PCDHGB5: variants seen among roughly 807,000 people sequenced by gnomAD.
PCDHGB5 encodes protocadherin gamma-B5.
A neutral mutation model predicts 62.9 loss-of-function variants in PCDHGB5; 48 were observed. The ratio of observed to expected loss-of-function variants is 0.76; its 90% CI spans 0.61 to 0.97. The LOEUF (loss-of-function observed/expected upper bound fraction) is 0.97. Ranked by LOEUF, PCDHGB5 falls within the 50% of genes least tolerant of loss-of-function variation. The pLI is 0.00. For missense variants in PCDHGB5, 1,118 were observed against 1,198.6 expected (o/e 0.93, Z 0.99); for synonymous variants, 474 against 511.2 (o/e 0.93, Z 0.98).
chr5:141,428,523 T>G, intron 1 of PCDHGB5: 1 of 278,554 alleles, frequency 3.6e-6, no homozygotes, highest in Non-Finnish European at 7.1e-6. Context: ...AAAGAAGATT[T>G]AATTTTCTCA....
chr5:141,410,399 G>A, intron 1 of PCDHGB5: 1 of 1,614,044 alleles, frequency 6.2e-7, no homozygotes. Flanking sequence ...TGGTCTCTGT[G>A]TCAAGTCTGG....
chr5:141,471,618 A>C (rs1421854064), intron 1 of PCDHGB5: 1 of 152,218 alleles, frequency 6.6e-6, no homozygotes, highest in Non-Finnish European at 1.5e-5. Context: ...TGGGAGTAGT[A>C]AGCATTGGTA....
chr5:141,418,111 A>G (rs763834283), intron 1 of PCDHGB5: 19 of 1,613,940 alleles, frequency 1.2e-5, no homozygotes, highest in Non-Finnish European at 1.5e-5. Context: ...GCGGGGACTT[A>G]CTTGTGAAGG....
At chr5:141,436,676 G>T (rs1019010328) in intron 1 of PCDHGB5, among the ~76,000 whole-genome samples, 1 of 152,238 alleles carries the variant, frequency 6.6e-6, no homozygotes, top group African/African-American at 2.4e-5. Flanking sequence ...ACCAAAAAAA[G>T]GATTTATATT....
Position 141,485,768 on chromosome 5 carries a change from C to A in PCDHGB5, c.2398-9039C>A, listed in dbSNP as rs759191157. 3.7e-6 allele frequency: 6 copies of A among 1,614,192 alleles called. No individual in the cohort carries two copies. Among genetic ancestry groups the A allele is most frequent in the Middle Eastern group, 1.6e-4 (1 of 6,062 alleles). On this transcript the variant is annotated intron_variant, in intron 1 of 3. Coordinates refer to ENST00000617380, the MANE Select transcript of PCDHGB5 (RefSeq NM_018925.3). The surrounding 1 kb of genome is among the most constrained non-coding windows in gnomAD (Gnocchi z 5.7). ...GGTCCCAGAGCTGCTCCTGGAGAAG[C>A]CTTTGGATCGAGAGAAGCAATCGGA...
chr5:141,505,362 G>A (rs766427680), intron 2 of PCDHGB5, 31 bp from the exon 3 acceptor site: 1 of 1,613,966 alleles, frequency 6.2e-7, no homozygotes, highest in Non-Finnish European at 8.5e-7. Flanking sequence ...CGGCCTGGGA[G>A]TCTGTGCTCA....
intron 1 of PCDHGB5, chr5:141,423,365 T>A (rs1338039878): frequency 1.9e-6 from 3 of 1,614,096 alleles, no homozygotes; most frequent in South Asian, 1.1e-5. Context: ...ATCGTGCTGC[T>A]GGCACTCAGG....
At chr5:141,498,971 G>A (rs866066098) in intron 2 of PCDHGB5, among the ~76,000 whole-genome samples, 16 of 111,052 alleles carry the variant, frequency 1.4e-4, no homozygotes, top group African/African-American at 2.5e-4. Context: ...GAGGGAGGGA[G>A]GGAAGGAAGG....
chr5:141,418,419 A>G (rs1181055959), intron 1 of PCDHGB5: 1 of 1,613,900 alleles, frequency 6.2e-7, no homozygotes, highest in Non-Finnish European at 8.5e-7. Flanking sequence ...GACAATCCTG[A>G]TGGTGGCAAA....
intron 1 of PCDHGB5, among the ~76,000 whole-genome samples, chr5:141,461,985 G>C (rs894777268): frequency 2.6e-5 from 4 of 152,170 alleles, no homozygotes; most frequent in Non-Finnish European, 5.9e-5. Flanking sequence ...CACCACGCCA[G>C]GCTAATTTTG....
chr5:141,409,459 T>A lies in PCDHGB5; in HGVS notation c.2397+8935T>A, dbSNP rs139792503. 3.7e-6 allele frequency: 6 copies of A among 1,613,832 alleles called. 1 individual carries two copies. The highest frequency in any genetic ancestry group is 3.3e-4 in the Middle Eastern group (2 of 6,084). ...ACCGAGAGCAGACACCAGAATACAATGTCACCATCGTAGCCACTGACAGGG... is the reference window on the plus strand; with the variant it reads ...ACCGAGAGCAGACACCAGAATACAAAGTCACCATCGTAGCCACTGACAGGG... On this transcript the variant is annotated intron_variant, in intron 1 of 3. Transcript: ENST00000617380.
intron 1 of PCDHGB5, chr5:141,404,276 G>A (rs754510135): frequency 6.2e-7 from 1 of 1,613,992 alleles, no homozygotes; most frequent in Non-Finnish European, 8.5e-7. Context: ...CACCCTGCAA[G>A]TGACTGACAT....
intron 3 of PCDHGB5, among the ~76,000 whole-genome samples, chr5:141,510,584 C>T (rs2099881791): frequency 1.3e-5 from 2 of 152,184 alleles, no homozygotes. Flanking sequence ...TTTTACGTAC[C>T]TGACATACAT....
chr5:141,422,344 C>G, intron 1 of PCDHGB5: 1 of 1,550,890 alleles, frequency 6.4e-7, no homozygotes, highest in Non-Finnish European at 8.7e-7. Flanking sequence ...TCTAAATGTG[C>G]AAGATCAAGA....
chr5:141,399,991 G>T lies in PCDHGB5; in HGVS notation c.1864G>T (p.Val622Leu), dbSNP rs1226741326. 1.9e-6 allele frequency: 3 copies of T among 1,612,304 alleles called. No homozygotes were observed. The highest frequency in any genetic ancestry group is 3.3e-5 in the Admixed American group (2 of 59,980). The change falls in exon 1 of 4, where the codon GTG becomes TTG. Residue 622 changes from valine to leucine, a missense_variant. Physicochemically the swap from Val to Leu is conservative, Grantham distance 32 (BLOSUM62 1). Around this residue, in one of 2 missense-constraint regions of PCDHGB5, gnomAD observed 1,034 missense variants for 1,029.1 expected, o/e 1.00. Coordinates refer to ENST00000617380, the MANE Select transcript of PCDHGB5 (RefSeq NM_018925.3). ...CAGCCTGGGGCTGCGCACAGGAGAGGTGCGCACAGCGCGTGCCTTGGGCGA... is the reference window on the plus strand; with the variant it reads ...CAGCCTGGGGCTGCGCACAGGAGAGTTGCGCACAGCGCGTGCCTTGGGCGA... ...LFSLGLRTGE[V>L]RTARALGDRD...
intron 1 of PCDHGB5, among the ~76,000 whole-genome samples, chr5:141,447,542 T>G (rs980012061): frequency 1.3e-5 from 2 of 152,216 alleles, no homozygotes; most frequent in African/African-American, 4.8e-5. Context: ...TGGGTTTTAA[T>G]GTTATGAGTA....
intron 1 of PCDHGB5, chr5:141,426,745 A>G (rs866203428): frequency 6.2e-5 from 28 of 454,130 alleles, no homozygotes; most frequent in Middle Eastern, 6.5e-4. Context: ...TTTGGCCTGG[A>G]ATCTGCTATA....
At chr5:141,423,148 C>G (rs2096714622) in intron 1 of PCDHGB5, 1 of 1,613,404 alleles carries the variant, frequency 6.2e-7, no homozygotes, top group African/African-American at 1.3e-5. Flanking sequence ...CGCGCTCAAG[C>G]AGAGCCTCGT....
intron 1 of PCDHGB5, chr5:141,426,713 AC>A: frequency 2.2e-6 from 1 of 445,196 alleles, no homozygotes; most frequent in Middle Eastern, 3.3e-4. Flanking sequence ...AAATCAATGA[AC>A]TAGCAATTCC....
Sources: gnomAD v4.1 joint callset for allele counts (sites outside exome capture counted in the v4.1 genomes callset) on GRCh38, gnomAD v4.1.1 for gene constraint, gnomAD v4.1.1 regional missense constraint, Gnocchi (gnomAD v3.1) non-coding constraint, MANE v1.5 for transcripts, NCBI Gene and HGNC (gene_info 2026-07-23, HGNC 2026-07-21) for gene names.